Variants in PDGFA observed in about 807,000 individuals in gnomAD.
The protein encoded by PDGFA is platelet derived growth factor subunit A.
In PDGFA, 9 loss-of-function variants were observed where a neutral mutation model predicts 25.6. That is an observed-to-expected ratio of 0.35 (90% confidence interval 0.21 to 0.61). The LOEUF (loss-of-function observed/expected upper bound fraction) is 0.61. PDGFA is among the 20% of genes least tolerant of loss of function. PDGFA has a pLI of 0.75. For missense variants in PDGFA, 242 were observed against 272.8 expected (o/e 0.89, Z 0.79); for synonymous variants, 133 against 111.8 (o/e 1.19, Z -1.20).
chr7:509,738 A>T (rs1385203815), intron 4 of PDGFA, among the ~76,000 whole-genome samples: 1 of 152,182 alleles, frequency 6.6e-6, no homozygotes, highest in East Asian at 1.9e-4. Context: ...TCCAGCGGAG[A>T]CACAGTCTGC....
Position 500,567 on chromosome 7 carries a change from C to T in PDGFA, c.580+549G>A. 1 of 1,611,138 alleles carries T rather than the reference C, an allele frequency of 6.2e-7. No homozygotes were observed. Among genetic ancestry groups the T allele is most frequent in the Non-Finnish European group, 8.5e-7 (1 of 1,179,300 alleles). On this transcript the variant is annotated intron_variant, in intron 5 of 5. Coordinates refer to ENST00000402802, the Ensembl canonical transcript of PDGFA. The surrounding 1 kb of genome is among the most constrained non-coding windows in gnomAD (Gnocchi z 5.0). Reference sequence around the variant, plus strand: ...CCGTCGGGGTGAAGAACTGAAGCAACAAATACCTACGGCATTTGTTTATCT... The same window carrying T: ...CCGTCGGGGTGAAGAACTGAAGCAATAAATACCTACGGCATTTGTTTATCT...
intron 4 of PDGFA, among the ~76,000 whole-genome samples, chr7:506,894 T>G (rs1782583498): frequency 6.6e-6 from 1 of 152,142 alleles, no homozygotes; most frequent in African/African-American, 2.4e-5. Context: ...CTCTGAATGT[T>G]GACCGGAAAG....
chr7:500,247 G>T lies in PDGFA; in HGVS notation c.580+869C>A, dbSNP rs1782265783. ...CAAGCGGGAGTGAGCCACGGGCCAG[G>T]GCGTTCTGCGAGGCAGGAGCGGACG... On this transcript the variant is annotated intron_variant, in intron 5 of 5. Transcript: ENST00000402802. This position sits in a 1 kb window ranked among gnomAD's most constrained non-coding sequence, Gnocchi z 5.0. Among the ~76,000 whole-genome samples the T allele has an allele frequency of 6.6e-6, 1 of 152,240 alleles. No homozygotes were observed. Among genetic ancestry groups the T allele is most frequent in the Admixed American group, 6.5e-5 (1 of 15,286 alleles).
chr7:507,422 C>T (rs572253658), intron 4 of PDGFA, among the ~76,000 whole-genome samples: 1 of 152,322 alleles, frequency 6.6e-6, no homozygotes, highest in African/African-American at 2.4e-5. Context: ...GGAACTGGCC[C>T]TCACCCCCAA....
At chr7:511,837 C>T (rs189230122) in intron 3 of PDGFA, among the ~76,000 whole-genome samples, 6 of 152,186 alleles carry the variant, frequency 3.9e-5, no homozygotes, top group Admixed American at 2.6e-4. Flanking sequence ...CCCAAATGGA[C>T]GCGGGGGTGG....
At position 510,730 on chromosome 7, in the gene PDGFA, A is replaced by G. The variant is rs1444485379; in HGVS notation, c.453+79T>C. Reference sequence around the variant, plus strand: ...TGGGGAGGGGAGGGGAGGGGAGAGGAGGGGAGGGGAGAGGAGAGGAGGGGA... The same window carrying G: ...TGGGGAGGGGAGGGGAGGGGAGAGGGGGGGAGGGGAGAGGAGAGGAGGGGA... On this transcript the variant is annotated intron_variant, in intron 4 of 5. Transcript: ENST00000402802. The G allele has an allele frequency of 8.7e-4, 247 of 285,004 alleles. 2 individuals carry two copies. The highest frequency in any genetic ancestry group is 1.4e-3 in the Non-Finnish European group (212 of 156,588). The allele number at this position is 285,004 out of a possible 1,614,324, so 17.7% of individuals were successfully genotyped here.
intron 4 of PDGFA, among the ~76,000 whole-genome samples, chr7:505,607 C>G (rs747178654): frequency 6.6e-6 from 1 of 152,176 alleles, no homozygotes; most frequent in South Asian, 2.1e-4. Context: ...CTGACTGGAC[C>G]GCACGTGCCC....
intron 4 of PDGFA, among the ~76,000 whole-genome samples, chr7:504,832 C>A (rs1035016268): frequency 6.6e-6 from 1 of 152,218 alleles, no homozygotes; most frequent in African/African-American, 2.4e-5. Flanking sequence ...TGGCCAGACA[C>A]CAGACGCCCA....
intron 4 of PDGFA, among the ~76,000 whole-genome samples, chr7:510,265 G>A (rs1782740623): frequency 6.6e-6 from 1 of 152,028 alleles, no homozygotes; most frequent in African/African-American, 2.4e-5. Flanking sequence ...ACCCCCAGGT[G>A]CTCCTTCTCC....
chr7:519,914 GC>G (rs758427523), upstream of PDGFA: 22,311 of 59,522 alleles, frequency 0.37, 3,423 homozygotes, highest in Middle Eastern at 0.52. Context: ...CCCCGCCCCC[GC>G]CCCCCCCCCC....
At position 512,502 on chromosome 7, in the gene PDGFA, G is replaced by C. The variant is rs113737245; in HGVS notation, c.161-47C>G. On this transcript the variant is annotated intron_variant, in intron 2 of 5. Transcript: ENST00000402802. ...CGTGAATGCCCCAGGCCCGTGCGCT[G>C]TGCCCTGGGCCTGTCCAGCCGCACT... The C allele has an allele frequency of 3.3e-5, 54 of 1,612,038 alleles. 1 individual carries two copies. Among genetic ancestry groups the C allele is most frequent in the African/African-American group, 3.2e-4 (24 of 75,034 alleles).
intron 4 of PDGFA, among the ~76,000 whole-genome samples, chr7:510,028 T>C (rs888040372): frequency 6.2e-5 from 8 of 128,424 alleles, no homozygotes; most frequent in African/African-American, 1.8e-4. Context: ...CAATGCAGGC[T>C]CTGAATATCC....
Position 517,348 on chromosome 7 carries a change from C to T in PDGFA, c.160+46G>A. The T allele has an allele frequency of 1.0e-6, 1 of 991,622 alleles. No homozygotes were observed. Among genetic ancestry groups the T allele is most frequent in the Non-Finnish European group, 1.4e-6 (1 of 738,882 alleles). The allele number at this position is 991,622 out of a possible 1,614,324, so 61.4% of individuals were successfully genotyped here. Reference sequence around the variant, plus strand: ...GCCCCAGCTCGGGGCGCACAGGCCGCCCGCCCGCGCCCTCCCCGCGCGCGG... The same window carrying T: ...GCCCCAGCTCGGGGCGCACAGGCCGTCCGCCCGCGCCCTCCCCGCGCGCGG... On this transcript the variant is annotated intron_variant, in intron 2 of 5. Transcript: ENST00000402802. The surrounding 1 kb of genome is among the most constrained non-coding windows in gnomAD (Gnocchi z 7.4).
At chr7:510,571 C>T (rs190654340) in intron 4 of PDGFA, among the ~76,000 whole-genome samples, 67 of 34,990 alleles carry the variant, frequency 1.9e-3, no homozygotes, top group African/African-American at 8.0e-3. Context: ...TAGGTAGGGG[C>T]GGCCCTTGGG....
intron 1 of PDGFA, chr7:518,306 CAT>C (rs1354891515): frequency 1.4e-5 from 2 of 147,696 alleles, no homozygotes; most frequent in East Asian, 4.2e-4. Flanking sequence ...GAAAGTCATT[CAT>C]CACAGCAAAG....
chr7:500,167 G>C lies in PDGFA; in HGVS notation c.580+949C>G, dbSNP rs927885648. ...CCAACCTGTTCCATTCATGTGCAAT[G>C]CTCCTGCATCCCCAATCAACGACAA... is the stretch of plus-strand genomic sequence containing the variant. On this transcript the variant is annotated intron_variant, in intron 5 of 5. Transcript: ENST00000402802. The surrounding 1 kb of genome is among the most constrained non-coding windows in gnomAD (Gnocchi z 5.0). Among the ~76,000 whole-genome samples, 2 of 152,184 alleles carry C rather than the reference G, an allele frequency of 1.3e-5. No homozygotes were observed. Among genetic ancestry groups the C allele is most frequent in the Admixed American group, 1.3e-4 (2 of 15,274 alleles).
chr7:512,824 T>A, intron 2 of PDGFA: 1 of 393,906 alleles, frequency 2.5e-6, no homozygotes, highest in Non-Finnish European at 4.6e-6. Flanking sequence ...AGGAGGGGCC[T>A]GAGGCCGCCC....
chr7:501,004 C>T, intron 5 of PDGFA, 112 bp downstream of exon 5: 1 of 1,605,964 alleles, frequency 6.2e-7, no homozygotes, highest in Non-Finnish European at 8.5e-7. Flanking sequence ...CAACAGCAGC[C>T]CAGATGCTCA....
chr7:504,951 C>G (rs576748722), intron 4 of PDGFA, among the ~76,000 whole-genome samples: 1 of 152,342 alleles, frequency 6.6e-6, no homozygotes, highest in East Asian at 1.9e-4. Context: ...GTGCGAAAGG[C>G]ACATGGCACG....
Sources: allele counts gnomAD v4.1 joint callset (sites outside exome capture counted in the v4.1 genomes callset), GRCh38; gene constraint gnomAD v4.1.1; non-coding constraint Gnocchi (gnomAD v3.1); transcripts MANE v1.5; gene names NCBI Gene and HGNC (gene_info 2026-07-23, HGNC 2026-07-21).